PSAT1: variants seen among roughly 807,000 people sequenced by gnomAD.
PSAT1 encodes the protein phosphoserine aminotransferase.
Under a neutral mutation model 40.3 loss-of-function variants are expected in PSAT1, and 41 were observed. That is an observed-to-expected ratio of 1.02 (90% CI 0.79 to 1.32). PSAT1 has a LOEUF of 1.32. Among genes scored for constraint, PSAT1 ranks in the 40% most tolerant of loss-of-function variants. The pLI is 0.00. For missense variants in PSAT1, 406 were observed against 455.8 expected (o/e 0.89, Z 0.99); for synonymous variants, 147 against 170.5 (o/e 0.86, Z 1.07).
intron 4 of PSAT1, among the ~76,000 whole-genome samples, chr9:78,305,510 T>C (rs1395857496): frequency 1.3e-5 from 2 of 152,206 alleles, no homozygotes; most frequent in East Asian, 3.8e-4. Context: ...GCTTTAGATA[T>C]GGCTTGATCA....
chr9:78,329,703 G>T lies in PSAT1; in HGVS notation c.*617G>T, dbSNP rs915910394. ...ATACATTTATATTTCTAATAATACAGTTATCACTGATATATGTAGACACTT... is the reference window on the plus strand; with the variant it reads ...ATACATTTATATTTCTAATAATACATTTATCACTGATATATGTAGACACTT... On this transcript the variant is annotated 3_prime_UTR_variant, in exon 9 of 9. Transcript: ENST00000376588. The T allele has an allele frequency of 5.2e-5, 8 of 152,900 alleles. No homozygotes were observed. The highest frequency in any genetic ancestry group is 1.9e-4 in the African/African-American group (8 of 41,442). 9.5% of individuals were successfully genotyped at this position (152,900 alleles called of 1,614,324 possible). A position where few individuals can be genotyped will look rare whatever the true frequency, so the allele number is the denominator to read the frequency against.
At chr9:78,298,409 G>T (rs757537021) in intron 1 of PSAT1, 61 of 985,414 alleles carry the variant, frequency 6.2e-5, no homozygotes, top group Non-Finnish European at 7.0e-5. Context: ...TAAGAACAGA[G>T]AATCCAATTT....
intron 7 of PSAT1, among the ~76,000 whole-genome samples, chr9:78,326,110 A>G (rs1052626207): frequency 4.6e-5 from 7 of 152,010 alleles, no homozygotes; most frequent in African/African-American, 1.7e-4. Flanking sequence ...TCTTTTCCCC[A>G]TATTTGTTTC....
chr9:78,302,688 C>A (rs184957873), intron 3 of PSAT1, among the ~76,000 whole-genome samples: 1 of 144,808 alleles, frequency 6.9e-6, no homozygotes, highest in East Asian at 2.0e-4. Flanking sequence ...GAGCCGAGAC[C>A]GTGCCACTGC....
At chr9:78,321,493 T>C (rs1828428479) in intron 7 of PSAT1, among the ~76,000 whole-genome samples, 1 of 152,188 alleles carries the variant, frequency 6.6e-6, no homozygotes, top group African/African-American at 2.4e-5. Flanking sequence ...ATTTGCAATT[T>C]ACCACCACCT....
chr9:78,304,043 A>G (rs1300882447), intron 3 of PSAT1, among the ~76,000 whole-genome samples: 1 of 152,178 alleles, frequency 6.6e-6, no homozygotes, highest in African/African-American at 2.4e-5. Flanking sequence ...ACATTATCGA[A>G]ACCCCCTGCC....
At position 78,312,882 on chromosome 9, in the gene PSAT1, T is replaced by G. The variant is rs1266738148; in HGVS notation, c.740+4299T>G. Among the ~76,000 whole-genome samples the G allele has an allele frequency of 2.0e-5, 3 of 152,084 alleles. No individual in the cohort carries two copies. In the East Asian group the frequency reaches 5.8e-4, roughly 29 times the overall value. On this transcript the variant is annotated intron_variant, in intron 6 of 8. Coordinates refer to ENST00000376588, the MANE Select transcript of PSAT1 (RefSeq NM_058179.4). ...TTTGGGAGCTTTCCTCTGGGAAAAG[T>G]GCTCAACTCAGTGGCTACATTCACC... is the stretch of plus-strand genomic sequence containing the variant.
rs1554688170 is a variant in PSAT1, at chr9:78,326,955, A to ATTTTTTTTTTTTT, written c.870-1090_870-1078dup. Among the ~76,000 whole-genome samples, 19 of 75,930 alleles carry ATTTTTTTTTTTTT rather than the reference A, an allele frequency of 2.5e-4. 1 individual carries two copies. Among genetic ancestry groups the ATTTTTTTTTTTTT allele is most frequent in the South Asian group, 8.8e-4 (2 of 2,282 alleles). The allele number at this position is 75,930 out of a possible 152,430, so 49.8% of individuals were successfully genotyped here. On this transcript the variant is annotated intron_variant, in intron 7 of 8. Coordinates refer to ENST00000376588, the MANE Select transcript of PSAT1 (RefSeq NM_058179.4). Reference sequence around the variant, plus strand: ...CAGCAATATATATATATATATATATATTTTTTTTTTTTTTTTTTGAGACAG... The same window carrying ATTTTTTTTTTTTT: ...CAGCAATATATATATATATATATATATTTTTTTTTTTTTTTTTTTTTTTTTTTTTTTGAGACAG...
chr9:78,306,264 G>T lies in PSAT1; in HGVS notation c.398-50G>T, dbSNP rs1564013923. ...CCTGGTTGACTCCCATCTATGTAAG[G>T]AAAGAGGAGAGTGAAAAGTGCAAAG... On this transcript the variant is annotated intron_variant, in intron 4 of 8. Transcript: ENST00000376588. The T allele has an allele frequency of 5.6e-6, 9 of 1,598,624 alleles. No individual in the cohort carries two copies. In the South Asian group the frequency reaches 9.9e-5, roughly 18 times the overall value.
At chr9:78,302,570 C>T (rs573716464) in intron 3 of PSAT1, among the ~76,000 whole-genome samples, 24 of 151,578 alleles carry the variant, frequency 1.6e-4, no homozygotes, top group African/African-American at 5.6e-4. Flanking sequence ...ACTAAAAATA[C>T]AAAAAAAGAA....
chr9:78,327,739 G>A (rs1310069056), intron 7 of PSAT1, among the ~76,000 whole-genome samples: 2 of 152,118 alleles, frequency 1.3e-5, no homozygotes, highest in Non-Finnish European at 2.9e-5. Context: ...CTTCATATAT[G>A]TAGTACCACT....
intron 6 of PSAT1, among the ~76,000 whole-genome samples, chr9:78,316,868 C>T (rs1295849214): frequency 6.6e-6 from 1 of 152,192 alleles, no homozygotes; most frequent in Admixed American, 6.5e-5. Flanking sequence ...AAAAGATGAA[C>T]AGCGTGGGCT....
rs530198487 is a variant in PSAT1, at chr9:78,312,958, G to A, written c.740+4375G>A. Among the ~76,000 whole-genome samples, 267 of 152,294 alleles carry A rather than the reference G, an allele frequency of 1.8e-3. 1 individual carries two copies. Among genetic ancestry groups the A allele is most frequent in the Middle Eastern group, 3.4e-3 (1 of 294 alleles). On this transcript the variant is annotated intron_variant, in intron 6 of 8. Coordinates refer to ENST00000376588, the MANE Select transcript of PSAT1 (RefSeq NM_058179.4). ...CATCAACTTCAGAACCTCATCTGCA[G>A]AGCTGGAGTCTTAGAACAGCCAGGG...
intron 7 of PSAT1, among the ~76,000 whole-genome samples, chr9:78,326,502 G>A (rs993304733): frequency 6.6e-6 from 1 of 152,052 alleles, no homozygotes; most frequent in Non-Finnish European, 1.5e-5. Flanking sequence ...TATGCAAAGT[G>A]CTGGGAATAA....
chr9:78,317,584 GT>G, intron 6 of PSAT1, 91 bp from the exon 7 acceptor site: 12 of 1,422,556 alleles, frequency 8.4e-6, no homozygotes, highest in Non-Finnish European at 1.2e-5. Flanking sequence ...GTTTAAGTCT[GT>G]TTTAATGCAC....
At chr9:78,328,640 C>CT (rs1370401465) in intron 8 of PSAT1, among the ~76,000 whole-genome samples, 2 of 152,192 alleles carry the variant, frequency 1.3e-5, no homozygotes, top group African/African-American at 4.8e-5. Context: ...CAGCCCCGAT[C>CT]TTGCTGGCAC....
At position 78,329,654 on chromosome 9, in the gene PSAT1, T is replaced by TA. The variant is rs1420836078; in HGVS notation, c.*570dup. On this transcript the variant is annotated 3_prime_UTR_variant, in exon 9 of 9. Coordinates refer to ENST00000376588, the MANE Select transcript of PSAT1 (RefSeq NM_058179.4). ...TGTTTATATTAGCAAGGTCTGTTTT[T>TA]AATACCATATACTTTATATTTCTAT... 2 of 157,026 alleles carry TA rather than the reference T, an allele frequency of 1.3e-5. No individual in the cohort carries two copies. The highest frequency in any genetic ancestry group is 2.8e-5 in the Non-Finnish European group (2 of 70,808). 9.7% of individuals were successfully genotyped at this position (157,026 alleles called of 1,614,324 possible).
intron 5 of PSAT1, among the ~76,000 whole-genome samples, chr9:78,307,386 G>A (rs556359129): frequency 6.6e-6 from 1 of 152,348 alleles, no homozygotes; most frequent in South Asian, 2.1e-4. Context: ...CGTCCATGTT[G>A]TACTGTGTGT....
intron 7 of PSAT1, among the ~76,000 whole-genome samples, chr9:78,318,578 C>T (rs748757772): frequency 6.6e-6 from 1 of 152,196 alleles, no homozygotes; most frequent in Non-Finnish European, 1.5e-5. Context: ...ATTCTAGTGG[C>T]TCAGGGTGGT....
Sources: allele counts gnomAD v4.1 joint callset (sites outside exome capture counted in the v4.1 genomes callset), GRCh38; gene constraint gnomAD v4.1.1; transcripts MANE v1.5; gene names NCBI Gene and HGNC (gene_info 2026-07-23, HGNC 2026-07-21).